The following TIMM17A variants were observed in gnomAD, a reference collection of about 807,000 sequenced individuals.
TIMM17A encodes translocase of inner mitochondrial membrane 17A, also known as mitochondrial import inner membrane translocase subunit Tim17-A.
A neutral mutation model predicts 26.5 loss-of-function variants in TIMM17A; 15 were observed. That is an observed-to-expected ratio of 0.57 (90% CI 0.38 to 0.87). The LOEUF is 0.87. TIMM17A is among the 40% of genes least tolerant of loss of function. The pLI is 0.00. For missense variants in TIMM17A, 201 were observed against 210.0 expected (o/e 0.96, Z 0.27); for synonymous variants, 80 against 70.8 (o/e 1.13, Z -0.66).
intron 3 of TIMM17A, among the ~76,000 whole-genome samples, chr1:201,959,819 T>TA (rs1240039126): frequency 6.7e-6 from 1 of 149,180 alleles, no homozygotes; most frequent in Non-Finnish European, 1.5e-5. Flanking sequence ...CTAAAAATAC[T>TA]AAAAATACAA....
chr1:201,969,279 G>A lies in TIMM17A; in HGVS notation c.431-190G>A, dbSNP rs137904718. On this transcript the variant is annotated intron_variant, in intron 5 of 5. Transcript: ENST00000367287. ...AGCATAGCAAGCCAGTCTGTCATAT[G>A]TTATACCAAATTTGAAGGTTCTCCA... Among the ~76,000 whole-genome samples the A allele has an allele frequency of 2.0e-4, 31 of 152,242 alleles. 1 individual carries two copies. The highest frequency in any genetic ancestry group is 7.5e-4 in the African/African-American group (31 of 41,548).
chr1:201,967,162 C>T (rs58211212), intron 5 of TIMM17A, among the ~76,000 whole-genome samples: 2,586 of 151,848 alleles, frequency 0.017, 75 homozygotes, highest in African/African-American at 0.059. Context: ...ATCATACATC[C>T]CAATTTGCTT....
At chr1:201,961,657 T>C (rs1358463806) in intron 3 of TIMM17A, among the ~76,000 whole-genome samples, 2 of 152,000 alleles carry the variant, frequency 1.3e-5, no homozygotes, top group Non-Finnish European at 2.9e-5. Flanking sequence ...TTCAACACCC[T>C]TGACAACTTA....
intron 3 of TIMM17A, 68 bp from the exon 4 acceptor site, chr1:201,963,548 C>T (rs994060716): frequency 1.0e-5 from 16 of 1,525,768 alleles, no homozygotes; most frequent in Non-Finnish European, 1.4e-5. Flanking sequence ...ATGTTTTTGA[C>T]TATAATATTT....
chr1:201,961,938 C>G (rs1682541044), intron 3 of TIMM17A, among the ~76,000 whole-genome samples: 1 of 151,918 alleles, frequency 6.6e-6, no homozygotes, highest in African/African-American at 2.4e-5. Context: ...TTGAGAATCT[C>G]TCTCTTGCTT....
At position 201,964,635 on chromosome 1, in the gene TIMM17A, C is replaced by CTTTTTTTTTTTTTTTTTTTTTTTT. The variant is rs570309464; in HGVS notation, c.320-790_320-767dup. ...TTTATTTATTTATTTTATTTTATTT[C>CTTTTTTTTTTTTTTTTTTTTTTTT]TTTTTTTTTTTTTTTTTTTTTTTTT... On this transcript the variant is annotated intron_variant, in intron 4 of 5. Transcript: ENST00000367287. Among the ~76,000 whole-genome samples, 27 of 90,950 alleles carry CTTTTTTTTTTTTTTTTTTTTTTTT rather than the reference C, an allele frequency of 3.0e-4. 1 individual carries two copies. Among genetic ancestry groups the CTTTTTTTTTTTTTTTTTTTTTTTT allele is most frequent in the East Asian group, 6.4e-4 (2 of 3,130 alleles). 59.7% of individuals were successfully genotyped at this position (90,950 alleles called of 152,430 possible).
chr1:201,965,007 A>G (rs1198729752), intron 4 of TIMM17A, among the ~76,000 whole-genome samples: 1 of 151,614 alleles, frequency 6.6e-6, no homozygotes, highest in Non-Finnish European at 1.5e-5. Context: ...GCTGGAGTGC[A>G]GTGGCACAAT....
intron 4 of TIMM17A, 143 bp from the exon 5 acceptor site, chr1:201,965,290 T>A (rs1682608450): frequency 1.6e-6 from 1 of 621,634 alleles, no homozygotes; most frequent in South Asian, 2.0e-5. Flanking sequence ...GGCTGTAGTT[T>A]ACTGACTCTG....
At chr1:201,961,467 C>T (rs921789325) in intron 3 of TIMM17A, among the ~76,000 whole-genome samples, 1 of 152,196 alleles carries the variant, frequency 6.6e-6, no homozygotes, top group Non-Finnish European at 1.5e-5. Context: ...GTTTCAGGCT[C>T]ATCTTGTACT....
intron 3 of TIMM17A, among the ~76,000 whole-genome samples, chr1:201,958,661 A>T (rs749954858): frequency 4.6e-5 from 7 of 152,246 alleles, no homozygotes; most frequent in Admixed American, 2.6e-4. Context: ...GCACCACTGC[A>T]CTCCAGCCTG....
At chr1:201,968,396 G>T (rs1440785857) in intron 5 of TIMM17A, among the ~76,000 whole-genome samples, 3 of 149,396 alleles carry the variant, frequency 2.0e-5, no homozygotes, top group Non-Finnish European at 1.5e-5. Flanking sequence ...TTTTGTTTTT[G>T]TTTGTTTTTT....
intron 4 of TIMM17A, among the ~76,000 whole-genome samples, chr1:201,964,099 A>G (rs1306188582): frequency 6.6e-6 from 1 of 152,182 alleles, no homozygotes; most frequent in Non-Finnish European, 1.5e-5. Flanking sequence ...AATAATAATT[A>G]TAAAACTGAG....
intron 4 of TIMM17A, among the ~76,000 whole-genome samples, chr1:201,964,645 T>C (rs1169017928): frequency 9.1e-5 from 11 of 120,256 alleles, no homozygotes; most frequent in African/African-American, 3.7e-4. Context: ...CTTTTTTTTT[T>C]TTTTTTTTTT....
At position 201,969,542 on chromosome 1, in the gene TIMM17A, A is replaced by C; in HGVS notation, c.504A>C (p.Arg168=). Residue 168 remains arginine, a synonymous_variant, in exon 6 of 6, where the codon CGA becomes CGC. Coordinates refer to ENST00000367287, the MANE Select transcript of TIMM17A (RefSeq NM_006335.3). The stretch of plus-strand genomic sequence containing the variant: ...CTTCCTCACCTTTTGGAGACTATCG[A>C]CAATATCAGTAGGACTTCTTTCCTA... ...QLPSSPFGDY[R]QYQ 6.2e-7 allele frequency: 1 copy of C among 1,613,578 alleles called. No homozygotes were observed. The highest frequency in any genetic ancestry group is 8.5e-7 in the Non-Finnish European group (1 of 1,179,576).
At chr1:201,964,651 T>TTTTTTTTTTTTTTTTTTTTTTTTTTTA (rs1558251193) in intron 4 of TIMM17A, among the ~76,000 whole-genome samples, 2 of 117,460 alleles carry the variant, frequency 1.7e-5, no homozygotes, top group African/African-American at 6.6e-5. Context: ...TTTTTTTTTT[T>TTTTTTTTTTTTTTTTTTTTTTTTTTTA]TTTTTTTTTT....
chr1:201,959,586 G>A (rs980494368), intron 3 of TIMM17A, among the ~76,000 whole-genome samples: 51 of 152,146 alleles, frequency 3.4e-4, no homozygotes, highest in African/African-American at 1.1e-3. Flanking sequence ...CCCAGGAGGT[G>A]GAGGTTGCAG....
chr1:201,959,393 C>T (rs1470854504), intron 3 of TIMM17A, among the ~76,000 whole-genome samples: 5 of 152,050 alleles, frequency 3.3e-5, no homozygotes, highest in Middle Eastern at 3.2e-3. Context: ...CAGTGGCTCA[C>T]GCCTGTAATC....
intron 1 of TIMM17A, 74 bp downstream of exon 1, chr1:201,955,626 C>T: frequency 1.2e-6 from 2 of 1,602,112 alleles, no homozygotes; most frequent in Non-Finnish European, 8.5e-7. Flanking sequence ...GTCCAGGCTC[C>T]CAAGGTGCAA....
At chr1:201,961,668 G>A (rs561949937) in intron 3 of TIMM17A, among the ~76,000 whole-genome samples, 3 of 152,104 alleles carry the variant, frequency 2.0e-5, no homozygotes, top group Admixed American at 6.6e-5. Flanking sequence ...TGACAACTTA[G>A]AGAGAATGCC....
Sources: allele counts gnomAD v4.1 joint callset (sites outside exome capture counted in the v4.1 genomes callset), GRCh38; gene constraint gnomAD v4.1.1; transcripts MANE v1.5; gene names NCBI Gene and HGNC (gene_info 2026-07-23, HGNC 2026-07-21).